The following PAG1 variants were observed in gnomAD, a reference collection of about 807,000 sequenced individuals.
The protein encoded by PAG1 is phosphoprotein associated with glycosphingolipid-enriched microdomains 1.
PAG1 carries 23 observed loss-of-function variants against 31.7 expected under a neutral mutation model. That is an observed-to-expected ratio of 0.73 (90% CI 0.52 to 1.03). PAG1 has a LOEUF of 1.03. PAG1 is among the 50% of genes least tolerant of loss of function. PAG1 has a pLI of 0.00. For missense variants in PAG1, 473 were observed against 540.7 expected (o/e 0.87, Z 1.24); for synonymous variants, 214 against 210.3 (o/e 1.02, Z -0.15).
At chr8:80,978,005 C>T (rs1211943776) in intron 8 of PAG1, among the ~76,000 whole-genome samples, 8 of 152,188 alleles carry the variant, frequency 5.3e-5, no homozygotes, top group South Asian at 2.1e-4. Context: ...TTCCTGCTTC[C>T]ACTTTTCTCA....
At chr8:81,104,864 A>T (rs536609221) in intron 1 of PAG1, among the ~76,000 whole-genome samples, 2 of 152,248 alleles carry the variant, frequency 1.3e-5, no homozygotes, top group East Asian at 3.9e-4. Flanking sequence ...ATTCTAAAAA[A>T]GTACTCAAAT....
At chr8:81,008,568 ATATAT>A in intron 3 of PAG1, among the ~76,000 whole-genome samples, 1 of 148,410 alleles carries the variant, frequency 6.7e-6, no homozygotes, top group Admixed American at 6.8e-5. Context: ...AATATATAAT[ATATAT>A]AATATAGTAG....
intron 3 of PAG1, among the ~76,000 whole-genome samples, chr8:81,009,226 C>T (rs1425822601): frequency 1.3e-5 from 2 of 151,970 alleles, no homozygotes; most frequent in African/African-American, 4.8e-5. Flanking sequence ...TTTAAAAAAC[C>T]TTATGTGTCT....
chr8:81,068,696 C>T (rs928922086), intron 2 of PAG1, among the ~76,000 whole-genome samples: 2 of 152,100 alleles, frequency 1.3e-5, no homozygotes, highest in African/African-American at 4.8e-5. Context: ...GTTGTAGGTA[C>T]TAAAATAAGA....
At chr8:81,037,083 C>A (rs1200826712) in intron 2 of PAG1, 1 of 152,052 alleles carries the variant, frequency 6.6e-6, no homozygotes, top group Non-Finnish European at 1.5e-5. Flanking sequence ...CTTTAGGCAT[C>A]AAAAAGATTA....
intron 1 of PAG1, among the ~76,000 whole-genome samples, chr8:81,071,807 G>C (rs1809098426): frequency 6.6e-6 from 1 of 152,200 alleles, no homozygotes. Flanking sequence ...ATACAGTACA[G>C]AAAAGAACAG....
At chr8:81,094,778 C>G (rs28524507) in intron 1 of PAG1, among the ~76,000 whole-genome samples, 8,242 of 152,218 alleles carry the variant, frequency 0.054, 716 homozygotes, top group African/African-American at 0.19. Flanking sequence ...ACCATGTTCA[C>G]TCATGAAACA....
intron 1 of PAG1, among the ~76,000 whole-genome samples, chr8:81,084,307 G>T: frequency 6.6e-6 from 1 of 152,148 alleles, no homozygotes; most frequent in Middle Eastern, 3.2e-3. Flanking sequence ...TTAAAAATTA[G>T]AAACCTCATT....
chr8:81,082,997 G>A (rs183851163), intron 1 of PAG1, among the ~76,000 whole-genome samples: 1 of 150,976 alleles, frequency 6.6e-6, no homozygotes, highest in Non-Finnish European at 1.5e-5. Context: ...TGGACATTTT[G>A]GGTATTATGT....
In PAG1 at chr8:80,975,202, T is replaced by C. The variant is rs2130311308; in HGVS notation, c.*1342A>G. The C allele has an allele frequency of 1.3e-5, 2 of 152,398 alleles. No homozygotes were observed. The highest frequency in any genetic ancestry group is 3.4e-3 in the Middle Eastern group (1 of 294). 9.4% of individuals were successfully genotyped at this position (152,398 alleles called of 1,614,324 possible). On this transcript the variant is annotated 3_prime_UTR_variant, in exon 9 of 9. Transcript: ENST00000220597. ...CCATAAACCACTGAAAATGATTATT[T>C]ATGTATATTCCATTTATTTCTCTAG...
chr8:81,069,825 C>T (rs947076764), intron 2 of PAG1, among the ~76,000 whole-genome samples: 1 of 152,192 alleles, frequency 6.6e-6, no homozygotes, highest in African/African-American at 2.4e-5. Flanking sequence ...AGAGGCTTTA[C>T]AAAGCTCAGC....
chr8:80,980,878 G>A (rs1807286337), intron 7 of PAG1, among the ~76,000 whole-genome samples: 1 of 152,068 alleles, frequency 6.6e-6, no homozygotes. Flanking sequence ...CAGTTTGCTG[G>A]CGTCATCAGA....
At chr8:80,983,235 C>T (rs922406580) in intron 7 of PAG1, among the ~76,000 whole-genome samples, 1 of 152,214 alleles carries the variant, frequency 6.6e-6, no homozygotes, top group Non-Finnish European at 1.5e-5. Context: ...CACAAAAGCA[C>T]AAACCTCACC....
At chr8:81,096,918 A>C (rs903107895) in intron 1 of PAG1, among the ~76,000 whole-genome samples, 15 of 152,256 alleles carry the variant, frequency 9.9e-5, no homozygotes, top group African/African-American at 2.9e-4. Context: ...AGGTGGGCAT[A>C]GGTGCCACTT....
chr8:80,999,109 A>G (rs940733589), intron 3 of PAG1, among the ~76,000 whole-genome samples: 3 of 152,238 alleles, frequency 2.0e-5, no homozygotes, highest in African/African-American at 7.2e-5. Context: ...CTCAAGCCCC[A>G]GAAAGAGTTT....
intron 1 of PAG1, among the ~76,000 whole-genome samples, chr8:81,085,972 GTTTT>G (rs869177030): frequency 0.013 from 738 of 58,762 alleles, no homozygotes; most frequent in African/African-American, 0.051. Context: ...AATCTGGCTT[GTTTT>G]TTTTTTTTTT....
intron 1 of PAG1, among the ~76,000 whole-genome samples, chr8:81,093,439 G>T (rs184566313): frequency 6.6e-6 from 1 of 152,046 alleles, no homozygotes; most frequent in Non-Finnish European, 1.5e-5. Context: ...AAATGCTTTC[G>T]CATTTTATCA....
chr8:80,978,738 T>G (rs971347110), intron 8 of PAG1, among the ~76,000 whole-genome samples: 12 of 152,334 alleles, frequency 7.9e-5, no homozygotes, highest in African/African-American at 2.9e-4. Flanking sequence ...ACATTTCAAC[T>G]TTTATAAAAG....
intron 2 of PAG1, among the ~76,000 whole-genome samples, chr8:81,037,516 G>A (rs949833627): frequency 1.3e-5 from 2 of 152,156 alleles, no homozygotes; most frequent in African/African-American, 4.8e-5. Flanking sequence ...TTTCTTGTTG[G>A]CACAGAATAG....
Sources: gnomAD v4.1 joint callset for allele counts (sites outside exome capture counted in the v4.1 genomes callset) on GRCh38, gnomAD v4.1.1 for gene constraint, MANE v1.5 for transcripts, NCBI Gene and HGNC (gene_info 2026-07-23, HGNC 2026-07-21) for gene names.